CACNA1A: variants seen among roughly 807,000 people sequenced by gnomAD.
CACNA1A encodes the protein voltage-dependent P/Q-type calcium channel subunit alpha-1A.
A neutral mutation model predicts 262.4 loss-of-function variants in CACNA1A; 57 were observed. The ratio of observed to expected loss-of-function variants is 0.22; its 90% CI spans 0.18 to 0.27. CACNA1A has a LOEUF of 0.27. CACNA1A is among the 10% of genes least tolerant of loss of function. The pLI is 1.00. For missense variants in CACNA1A, 2,526 were observed against 3,562.8 expected (o/e 0.71, Z 7.41); for synonymous variants, 1,431 against 1,419.3 (o/e 1.01, Z -0.18).
Position 13,212,176 on chromosome 19 carries a change from T to A in CACNA1A, c.6230A>T (p.Asp2077Val), listed in dbSNP as rs2144523108. ...MREMGRDGYS[D>V]SEHYLPMEGQ... Reference sequence around the variant, plus strand: ...TTCCATGGGGAGGTAGTGCTCGCTGTCGGAGTAGCCATCTCTGCCCATCTC... The same window carrying A: ...TTCCATGGGGAGGTAGTGCTCGCTGACGGAGTAGCCATCTCTGCCCATCTC... Residue 2077 changes from aspartate (D) to valine (V), a missense_variant, in exon 43 of 47, where the codon GAC (aspartate) becomes GTC (valine). Physicochemically the swap from Asp to Val is radical, Grantham distance 152. Around this residue, in one of 17 missense-constraint regions of CACNA1A, gnomAD observed 929 missense variants for 868.1 expected, o/e 1.07. Coordinates refer to ENST00000360228, the MANE Select transcript of CACNA1A (RefSeq NM_001127222.2). This position sits in a 1 kb window ranked among gnomAD's most constrained non-coding sequence, Gnocchi z 5.6. The A allele has an allele frequency of 1.2e-6, 2 of 1,613,906 alleles. No homozygotes were observed. The highest frequency in any genetic ancestry group is 1.1e-5 in the South Asian group (1 of 91,088).
chr19:13,291,367 C>T (rs903481004), intron 19 of CACNA1A, among the ~76,000 whole-genome samples: 26 of 151,870 alleles, frequency 1.7e-4, no homozygotes, highest in African/African-American at 4.1e-4. Flanking sequence ...TCATTTAATC[C>T]CTGCAACTAC....
chr19:13,371,448 T>C (rs975624174), intron 4 of CACNA1A: 2 of 510,368 alleles, frequency 3.9e-6, no homozygotes, highest in African/African-American at 1.9e-5. Context: ...GTGCTTAGCA[T>C]GGCTCCCGAT....
intron 10 of CACNA1A, 90 bp from the exon 11 acceptor site, chr19:13,317,411 G>T: frequency 9.2e-7 from 1 of 1,088,996 alleles, no homozygotes; most frequent in South Asian, 1.5e-5. Context: ...ATTTTAGCCA[G>T]GGGATCCATT....
chr19:13,494,876 C>T (rs1981309102), intron 1 of CACNA1A, among the ~76,000 whole-genome samples: 1 of 152,110 alleles, frequency 6.6e-6, no homozygotes, highest in South Asian at 2.1e-4. Context: ...TTCACCAGGT[C>T]CCTCCCATGA....
chr19:13,465,992 C>T (rs927528355), intron 1 of CACNA1A, among the ~76,000 whole-genome samples: 1 of 151,960 alleles, frequency 6.6e-6, no homozygotes, highest in Non-Finnish European at 1.5e-5. Context: ...TTGCCAGAGG[C>T]TGGAGGAAGG....
chr19:13,286,040 C>T (rs780207494), intron 20 of CACNA1A, among the ~76,000 whole-genome samples: 7 of 149,582 alleles, frequency 4.7e-5, no homozygotes, highest in Admixed American at 1.4e-4. Flanking sequence ...CACTCTACCT[C>T]GGCCTCCTGA....
chr19:13,382,651 T>C (rs186208756), intron 3 of CACNA1A, among the ~76,000 whole-genome samples: 20 of 152,152 alleles, frequency 1.3e-4, no homozygotes, highest in Non-Finnish European at 2.1e-4. Flanking sequence ...GGGTTGGCGT[T>C]CAGAAGACAA....
chr19:13,344,871 C>T (rs10411416), intron 6 of CACNA1A, among the ~76,000 whole-genome samples: 1,866 of 152,144 alleles, frequency 0.012, 39 homozygotes, highest in African/African-American at 0.043. Context: ...TCTTGTGCCT[C>T]GGCCTCCCAA....
chr19:13,295,513 A>G (rs1328788965), intron 19 of CACNA1A, among the ~76,000 whole-genome samples: 4 of 141,446 alleles, frequency 2.8e-5, no homozygotes, highest in Admixed American at 2.2e-4. Context: ...TTTTTTTGAG[A>G]CAAGGACTTG....
chr19:13,359,545 C>T (rs1234182152), intron 6 of CACNA1A, 61 bp downstream of exon 6: 2 of 1,370,052 alleles, frequency 1.5e-6, no homozygotes, highest in African/African-American at 1.4e-5. Context: ...TCTCACTGGT[C>T]CCAGGAGGCC....
chr19:13,463,136 G>A (rs2061155370), intron 1 of CACNA1A, among the ~76,000 whole-genome samples: 1 of 145,408 alleles, frequency 6.9e-6, no homozygotes, highest in South Asian at 2.2e-4. Flanking sequence ...AGATGGGTTT[G>A]CCTTTATTTA....
intron 10 of CACNA1A, among the ~76,000 whole-genome samples, chr19:13,320,236 T>TTGAGAG (rs1491579757): frequency 0.016 from 1,203 of 73,520 alleles, 25 homozygotes; most frequent in African/African-American, 0.058. Context: ...GTTCCACAGA[T>TTGAGAG]CGAGAGAGAG....
chr19:13,369,758 C>T (rs769733738), intron 4 of CACNA1A, among the ~76,000 whole-genome samples: 77 of 152,290 alleles, frequency 5.1e-4, no homozygotes, highest in Non-Finnish European at 9.4e-4. Flanking sequence ...CCTGCCTTGG[C>T]CTCCCAAAGT....
intron 1 of CACNA1A, among the ~76,000 whole-genome samples, chr19:13,484,594 G>A (rs1979755113): frequency 6.6e-6 from 1 of 152,144 alleles, no homozygotes; most frequent in African/African-American, 2.4e-5. Flanking sequence ...TTCCTAATTG[G>A]TCTCATGGCT....
chr19:13,341,559 G>A (rs1435960571), intron 6 of CACNA1A, among the ~76,000 whole-genome samples: 1 of 152,020 alleles, frequency 6.6e-6, no homozygotes, highest in Admixed American at 6.6e-5. Flanking sequence ...TGGCTTCCTT[G>A]CAGTTTCTCA....
At chr19:13,261,350 C>T in intron 26 of CACNA1A, 100 bp downstream of exon 26, 8 of 1,047,490 alleles carry the variant, frequency 7.6e-6, no homozygotes, top group Non-Finnish European at 1.1e-5. Context: ...AGGCTCATCA[C>T]TTCTCCAGTC....
At chr19:13,413,256 G>T (rs369298965) in intron 3 of CACNA1A, among the ~76,000 whole-genome samples, 46 of 151,688 alleles carry the variant, frequency 3.0e-4, no homozygotes, top group African/African-American at 1.1e-3. Context: ...ACAGGCGCCC[G>T]CCACCATACC....
chr19:13,408,036 T>C lies in CACNA1A; in HGVS notation c.540-36257A>G, dbSNP rs55836410. Reference sequence around the variant, plus strand: ...CTTGTTTCCCCTTCATTTTCCGCCATGATTGCAAGTTTCCTGTGGCCTCCT... The same window carrying C: ...CTTGTTTCCCCTTCATTTTCCGCCACGATTGCAAGTTTCCTGTGGCCTCCT... On this transcript the variant is annotated intron_variant, in intron 3 of 46. Coordinates refer to ENST00000360228, the MANE Select transcript of CACNA1A (RefSeq NM_001127222.2). Among the ~76,000 whole-genome samples the C allele has an allele frequency of 9.2e-3, 1,401 of 152,270 alleles. 24 individuals are homozygous for C. Among genetic ancestry groups the C allele is most frequent in the African/African-American group, 0.031 (1,301 of 41,548 alleles).
chr19:13,409,379 T>TG (rs1491078945), intron 3 of CACNA1A, among the ~76,000 whole-genome samples: 1 of 124,590 alleles, frequency 8.0e-6, no homozygotes, highest in Admixed American at 9.2e-5. Context: ...GACAATCCTG[T>TG]GTGTGTGTGT....
Sources: allele counts gnomAD v4.1 joint callset (sites outside exome capture counted in the v4.1 genomes callset), GRCh38; gene constraint gnomAD v4.1.1; regional missense constraint gnomAD v4.1.1; non-coding constraint Gnocchi (gnomAD v3.1); transcripts MANE v1.5; gene names NCBI Gene and HGNC (gene_info 2026-07-23, HGNC 2026-07-21).